The following CPQ variants were observed in gnomAD, a reference collection of about 807,000 sequenced individuals.
CPQ encodes Ser-Met dipeptidase.
A neutral mutation model predicts 45.7 loss-of-function variants in CPQ; 37 were observed. The observed-to-expected ratio is 0.81, with a 90% CI of 0.62 to 1.07. The LOEUF is 1.07. CPQ is among the 50% of genes least tolerant of loss of function. The pLI is 0.00. For missense variants in CPQ, 537 were observed against 572.9 expected (o/e 0.94, Z 0.64); for synonymous variants, 186 against 205.8 (o/e 0.90, Z 0.82).
At chr8:97,028,079 G>A (rs1809831657) in intron 5 of CPQ, among the ~76,000 whole-genome samples, 1 of 152,206 alleles carries the variant, frequency 6.6e-6, no homozygotes, top group Non-Finnish European at 1.5e-5. Flanking sequence ...GATTGCTGAG[G>A]AACTGAATGT....
chr8:96,777,762 T>TATATA (rs1563494483), intron 1 of CPQ, among the ~76,000 whole-genome samples: 1 of 16,066 alleles, frequency 6.2e-5, no homozygotes. Context: ...ATATATATAT[T>TATATA]TTTTTTTTTT....
chr8:96,907,188 A>T (rs894068679), intron 4 of CPQ, among the ~76,000 whole-genome samples: 9 of 152,228 alleles, frequency 5.9e-5, no homozygotes, highest in Non-Finnish European at 7.3e-5. Flanking sequence ...CTGCTCATGT[A>T]GCAATCCTGG....
At chr8:96,828,730 A>G (rs887637193) in intron 2 of CPQ, among the ~76,000 whole-genome samples, 1 of 152,068 alleles carries the variant, frequency 6.6e-6, no homozygotes, top group Non-Finnish European at 1.5e-5. Flanking sequence ...ACACCCAGTG[A>G]TTAGAGAGAA....
At chr8:96,901,109 G>C (rs887180800) in intron 4 of CPQ, among the ~76,000 whole-genome samples, 10 of 152,124 alleles carry the variant, frequency 6.6e-5, no homozygotes, top group African/African-American at 2.4e-4. Context: ...TGCAGGCATT[G>C]TCTCACTGGC....
chr8:97,043,380 C>G (rs1274214347), intron 6 of CPQ, among the ~76,000 whole-genome samples: 1 of 151,904 alleles, frequency 6.6e-6, no homozygotes, highest in South Asian at 2.1e-4. Flanking sequence ...CTATGTGTGT[C>G]TCTGCACGTG....
intron 1 of CPQ, among the ~76,000 whole-genome samples, chr8:96,650,070 G>A (rs950127189): frequency 6.6e-6 from 1 of 152,200 alleles, no homozygotes; most frequent in Non-Finnish European, 1.5e-5. Context: ...TTGAGCTGGC[G>A]CTTCCAAATA....
intron 6 of CPQ, among the ~76,000 whole-genome samples, chr8:97,049,322 C>T (rs188126369): frequency 6.6e-6 from 1 of 152,286 alleles, no homozygotes; most frequent in Admixed American, 6.5e-5. Flanking sequence ...TATGTGAGTA[C>T]ATTATTACTG....
intron 5 of CPQ, among the ~76,000 whole-genome samples, chr8:97,024,713 C>G (rs1809768675): frequency 6.6e-6 from 1 of 152,176 alleles, no homozygotes; most frequent in Non-Finnish European, 1.5e-5. Context: ...TTTACTACCT[C>G]TTGTCATTCA....
chr8:96,931,916 C>T (rs1186720698), intron 4 of CPQ, among the ~76,000 whole-genome samples: 1 of 152,090 alleles, frequency 6.6e-6, no homozygotes, highest in Non-Finnish European at 1.5e-5. Context: ...TTACAGATCC[C>T]TCTGGACTAT....
chr8:96,661,579 T>C (rs551110928), intron 1 of CPQ, among the ~76,000 whole-genome samples: 1 of 152,356 alleles, frequency 6.6e-6, no homozygotes, highest in Non-Finnish European at 1.5e-5. Context: ...CTGAGTAATA[T>C]GCATTTACTT....
intron 4 of CPQ, among the ~76,000 whole-genome samples, chr8:96,909,731 A>G (rs907132630): frequency 1.1e-4 from 16 of 152,148 alleles, no homozygotes; most frequent in African/African-American, 3.4e-4. Flanking sequence ...GTGGACATCT[A>G]AGAAACTCTG....
At chr8:97,052,526 A>T (rs1203780038) in intron 6 of CPQ, among the ~76,000 whole-genome samples, 1 of 152,136 alleles carries the variant, frequency 6.6e-6, no homozygotes, top group Non-Finnish European at 1.5e-5. Flanking sequence ...GTTTTAAAAT[A>T]TTATATATTT....
chr8:96,653,534 C>A (rs1470883462), intron 1 of CPQ, among the ~76,000 whole-genome samples: 1 of 152,114 alleles, frequency 6.6e-6, no homozygotes, highest in Non-Finnish European at 1.5e-5. Flanking sequence ...TTTGATTCCC[C>A]CAGAACTTAA....
intron 7 of CPQ, among the ~76,000 whole-genome samples, chr8:97,142,395 C>T (rs916323132): frequency 7.2e-5 from 11 of 152,168 alleles, no homozygotes; most frequent in African/African-American, 2.7e-4. Flanking sequence ...GGCAGAGACT[C>T]CTGCTGGTGC....
chr8:97,111,195 T>G (rs1451609431), intron 7 of CPQ, among the ~76,000 whole-genome samples: 2 of 152,144 alleles, frequency 1.3e-5, no homozygotes, highest in Non-Finnish European at 2.9e-5. Context: ...ATCTGTATCC[T>G]CCTCCATACC....
At chr8:96,721,587 T>C (rs1809764134) in intron 1 of CPQ, among the ~76,000 whole-genome samples, 1 of 152,166 alleles carries the variant, frequency 6.6e-6, no homozygotes, top group African/African-American at 2.4e-5. Flanking sequence ...ACAGGTCTTC[T>C]GATCTCCTTA....
At chr8:96,707,457 C>T (rs1182772779) in intron 1 of CPQ, among the ~76,000 whole-genome samples, 1 of 151,980 alleles carries the variant, frequency 6.6e-6, no homozygotes, top group Non-Finnish European at 1.5e-5. Flanking sequence ...TTTCTTAAAA[C>T]ATTATGAGAT....
intron 3 of CPQ, among the ~76,000 whole-genome samples, chr8:96,873,949 G>A (rs1812112996): frequency 6.6e-6 from 1 of 151,760 alleles, no homozygotes; most frequent in South Asian, 2.1e-4. Flanking sequence ...CATGAAGGGA[G>A]TTTGATTGAT....
intron 1 of CPQ, among the ~76,000 whole-genome samples, chr8:96,708,030 G>A (rs952849032): frequency 1.3e-5 from 2 of 152,090 alleles, no homozygotes; most frequent in African/African-American, 2.4e-5. Context: ...GGAGGATTTA[G>A]GAGAGAGTCC....
Sources: allele counts gnomAD v4.1 joint callset (sites outside exome capture counted in the v4.1 genomes callset), GRCh38; gene constraint gnomAD v4.1.1; transcripts MANE v1.5; gene names NCBI Gene and HGNC (gene_info 2026-07-23, HGNC 2026-07-21).